Variants in MCUR1 observed in about 807,000 individuals in gnomAD.
The protein encoded by MCUR1 is mitochondrial calcium uniporter regulator 1.
MCUR1 carries 37 observed loss-of-function variants against 42.0 expected under a neutral mutation model. That is an observed-to-expected ratio of 0.88 (90% CI 0.68 to 1.16). The LOEUF (loss-of-function observed/expected upper bound fraction) is 1.16, where lower values mean the gene tolerates loss of function less well. Ranked by LOEUF, MCUR1 falls within the 50% of genes most tolerant of loss-of-function variation. The pLI is 0.00. For synonymous variants in MCUR1, 229 were observed against 196.2 expected, an observed-to-expected ratio of 1.17 and a Z score of -1.40; for missense variants, 469 against 468.4, an observed-to-expected ratio of 1.00 and a Z score of -0.01.
At chr6:13,801,430 A>C (rs1417571760) in intron 3 of MCUR1, 41 bp from the exon 4 acceptor site, 9 of 1,409,404 alleles carry the variant, frequency 6.4e-6, no homozygotes, top group Non-Finnish European at 9.0e-6. Flanking sequence ...AGTCTACCCT[A>C]AAAAGTCCAC....
chr6:13,809,405 T>C (rs1045300599), intron 1 of MCUR1, among the ~76,000 whole-genome samples: 3 of 152,210 alleles, frequency 2.0e-5, no homozygotes, highest in Non-Finnish European at 2.9e-5. Flanking sequence ...TTTCTTGTAA[T>C]GTCTTTGCAA....
intron 2 of MCUR1, among the ~76,000 whole-genome samples, chr6:13,805,830 T>A (rs1442303840): frequency 1.3e-5 from 2 of 152,244 alleles, no homozygotes; most frequent in Admixed American, 1.3e-4. Flanking sequence ...GGTGTATTTG[T>A]CTAAATATGA....
At position 13,806,517 on chromosome 6, in the gene MCUR1, G is replaced by A. The variant is rs1009316066; in HGVS notation, c.535+408C>T. On this transcript the variant is annotated intron_variant, in intron 2 of 8. Coordinates refer to ENST00000379170, the MANE Select transcript of MCUR1 (RefSeq NM_001031713.4). Reference sequence around the variant, plus strand: ...CACTTCACTTGGACAAAGAGACAATGTGTGAGAAAAGTCTCCATTCTATTG... The same window carrying A: ...CACTTCACTTGGACAAAGAGACAATATGTGAGAAAAGTCTCCATTCTATTG... 2.2e-4 allele frequency among the ~76,000 whole-genome samples: 34 copies of A among 152,360 alleles called. No homozygotes were observed. The South Asian group carries it at 2.3e-3, about 10-fold the overall frequency.
rs571765529 is a variant in MCUR1 at position 13,792,905 on chromosome 6, T to C, written c.910-913A>G. On this transcript the variant is annotated intron_variant, in intron 7 of 8. Coordinates refer to ENST00000379170, the MANE Select transcript of MCUR1 (RefSeq NM_001031713.4). ...AAAAGGAGAAATGTATGCTATAAAT[T>C]AAAAATAGAATAAGACTTCTCCATT... Among the ~76,000 whole-genome samples the C allele has an allele frequency of 3.9e-5, 6 of 151,998 alleles. No individual in the cohort carries two copies. The East Asian group carries it at 7.7e-4, about 20-fold the overall frequency.
chr6:13,814,111 T>G lies in MCUR1; in HGVS notation c.319A>C (p.Ser107Arg). ...LGYAAPPAGR[S>R]SAWRCSPGVA... ...CCCGGTGAGCACCTCCACGCGCTGCTGCGCCCGGCCGGGGGTGCGGCATAC... is the reference window on the plus strand; with the variant it reads ...CCCGGTGAGCACCTCCACGCGCTGCGGCGCCCGGCCGGGGGTGCGGCATAC... Residue 107 changes from serine to arginine, a missense_variant, in exon 1 of 9, where the codon AGC (serine) becomes CGC (arginine). Ser to Arg is a moderately radical substitution (Grantham distance 110). Coordinates refer to ENST00000379170, the MANE Select transcript of MCUR1 (RefSeq NM_001031713.4). 8.0e-7 allele frequency: 1 copy of G among 1,255,570 alleles called. No homozygotes were observed. The highest frequency in any genetic ancestry group is 1.0e-6 in the Non-Finnish European group (1 of 1,004,662). 77.8% of individuals were successfully genotyped at this position (1,255,570 alleles called of 1,614,324 possible).
chr6:13,809,438 G>C (rs898717376), intron 1 of MCUR1, among the ~76,000 whole-genome samples: 3 of 152,066 alleles, frequency 2.0e-5, no homozygotes, highest in Admixed American at 6.5e-5. Context: ...AGAGAGCTAT[G>C]TTCTAACAAT....
At position 13,791,892 on chromosome 6, in the gene MCUR1, A is replaced by C. The variant is rs756841982; in HGVS notation, c.1010T>G (p.Ile337Ser). Residue 337 changes from isoleucine to serine, a missense_variant, in exon 8 of 9, where the codon ATT (isoleucine) becomes AGT (serine). Ile to Ser is a moderately radical substitution (Grantham distance 142). Coordinates refer to ENST00000379170, the MANE Select transcript of MCUR1 (RefSeq NM_001031713.4). ...TMLESHKLDNIKYLAGSIFTC... is the reference protein window; with the variant it reads ...TMLESHKLDNSKYLAGSIFTC... The stretch of plus-strand genomic sequence containing the variant: ...AAATAGCTTACCTGCTAAATATTTA[A>C]TATTATCAAGCTTGTGTGACTCAAG... 3 of 1,611,354 alleles carry C rather than the reference A, an allele frequency of 1.9e-6. No homozygotes were observed. In the South Asian group the frequency reaches 3.3e-5, roughly 18 times the overall value.
rs1160268006 is a variant in MCUR1, at chr6:13,790,885, A to G, written c.1025-21T>C. ...AGACCCTGTAAGAAAAAAACAATTG[A>G]GAGTACTATTAGTTCTATTAAGAGT... On this transcript the variant is annotated intron_variant, in intron 8 of 8. Transcript: ENST00000379170. The G allele has an allele frequency of 2.5e-6, 4 of 1,577,500 alleles. No homozygotes were observed. The African/African-American group carries it at 4.1e-5, about 16-fold the overall frequency.
intron 1 of MCUR1, among the ~76,000 whole-genome samples, chr6:13,811,219 TTAC>T (rs1177840684): frequency 6.6e-6 from 1 of 152,204 alleles, no homozygotes. Flanking sequence ...ATCGTAGCAC[TTAC>T]TACATTATTT....
intron 6 of MCUR1, 77 bp from the exon 7 acceptor site, chr6:13,794,024 TG>T: frequency 7.5e-7 from 1 of 1,337,534 alleles, no homozygotes. Context: ...TTAAATATTC[TG>T]GTCTCAGTAC....
At chr6:13,812,226 C>A (rs950903896) in intron 1 of MCUR1, among the ~76,000 whole-genome samples, 3 of 152,174 alleles carry the variant, frequency 2.0e-5, no homozygotes, top group African/African-American at 7.2e-5. Context: ...ATACAAACTT[C>A]CTACTCATGA....
intron 1 of MCUR1, among the ~76,000 whole-genome samples, chr6:13,809,472 T>A (rs375489253): frequency 2.6e-4 from 40 of 152,254 alleles, no homozygotes; most frequent in African/African-American, 9.4e-4. Flanking sequence ...TTTCTATAAG[T>A]TTTTGTGCAT....
intron 1 of MCUR1, among the ~76,000 whole-genome samples, chr6:13,807,467 T>C (rs907728901): frequency 6.6e-6 from 1 of 152,230 alleles, no homozygotes; most frequent in East Asian, 1.9e-4. Flanking sequence ...TCAAGGGTCA[T>C]CCGTGTTGTA....
At position 13,791,891 on chromosome 6, in the gene MCUR1, A is replaced by T. The variant is rs1377009419; in HGVS notation, c.1011T>A (p.Ile337=). The T allele has an allele frequency of 6.2e-7, 1 of 1,610,422 alleles. No individual in the cohort carries two copies. Among genetic ancestry groups the T allele is most frequent in the Non-Finnish European group, 8.5e-7 (1 of 1,177,116 alleles). ...TMLESHKLDN[I]KYLAGSIFTC... is the part of the protein sequence containing the mutation. The stretch of plus-strand genomic sequence containing the variant: ...AAAATAGCTTACCTGCTAAATATTT[A>T]ATATTATCAAGCTTGTGTGACTCAA... Residue 337 remains isoleucine, a synonymous_variant, in exon 8 of 9, where the codon ATT becomes ATA. Transcript: ENST00000379170.
intron 1 of MCUR1, among the ~76,000 whole-genome samples, chr6:13,812,792 T>C (rs955963179): frequency 7.2e-5 from 11 of 152,258 alleles, no homozygotes; most frequent in Admixed American, 3.9e-4. Context: ...TGAATATGTA[T>C]AGACTGCCCA....
chr6:13,808,089 G>C (rs1760151031), intron 1 of MCUR1, among the ~76,000 whole-genome samples: 1 of 152,144 alleles, frequency 6.6e-6, no homozygotes, highest in African/African-American at 2.4e-5. Context: ...GATTAATGCT[G>C]CTATCCTGGG....
chr6:13,810,995 T>C (rs1033180791), intron 1 of MCUR1, among the ~76,000 whole-genome samples: 1 of 152,264 alleles, frequency 6.6e-6, no homozygotes, highest in Admixed American at 6.5e-5. Context: ...AATTGCATGC[T>C]TAAGCATGGC....
chr6:13,791,620 C>G (rs1759729092), intron 8 of MCUR1, among the ~76,000 whole-genome samples: 1 of 152,072 alleles, frequency 6.6e-6, no homozygotes, highest in African/African-American at 2.4e-5. Flanking sequence ...AACTATAGTT[C>G]AATTATAGTA....
intron 2 of MCUR1, among the ~76,000 whole-genome samples, chr6:13,802,757 T>C (rs77845336): frequency 0.012 from 1,793 of 152,334 alleles, 40 homozygotes; most frequent in African/African-American, 0.04. Context: ...CTCTGCATTA[T>C]GTAGATTTTC....
Sources: gnomAD v4.1 joint callset for allele counts (sites outside exome capture counted in the v4.1 genomes callset) on GRCh38, gnomAD v4.1.1 for gene constraint, MANE v1.5 for transcripts, NCBI Gene and HGNC (gene_info 2026-07-23, HGNC 2026-07-21) for gene names.